The following PCDHGB1 variants were observed in gnomAD, a reference collection of about 807,000 sequenced individuals.
PCDHGB1 encodes the protein protocadherin gamma-B1.
PCDHGB1 carries 34 observed loss-of-function variants against 56.6 expected under a neutral mutation model. The ratio of observed to expected loss-of-function variants is 0.60; its 90% confidence interval spans 0.46 to 0.80. PCDHGB1 has a LOEUF of 0.80. Among genes scored for constraint, PCDHGB1 ranks in the 30% least tolerant of loss-of-function variants. PCDHGB1 has a pLI of 0.00. For missense variants in PCDHGB1, 1,278 were observed against 1,204.6 expected (o/e 1.06, Z -0.90); for synonymous variants, 561 against 505.9 (o/e 1.11, Z -1.46).
chr5:141,408,869 A>T, intron 1 of PCDHGB1: 1 of 1,613,690 alleles, frequency 6.2e-7, no homozygotes, highest in Non-Finnish European at 8.5e-7. Flanking sequence ...CCCACCAAGA[A>T]GTGCCACCGC....
intron 1 of PCDHGB1, among the ~76,000 whole-genome samples, chr5:141,488,713 C>A (rs1165389103): frequency 6.6e-6 from 1 of 152,184 alleles, no homozygotes; most frequent in Non-Finnish European, 1.5e-5. Context: ...CTGGTTCAAG[C>A]AAAGTGGTGG....
intron 1 of PCDHGB1, among the ~76,000 whole-genome samples, chr5:141,439,557 A>C (rs766239185): frequency 1.2e-4 from 19 of 152,178 alleles, no homozygotes; most frequent in Non-Finnish European, 2.2e-4. Context: ...TTCAGGCTGC[A>C]GTTCTAGAGT....
chr5:141,375,347 G>C, intron 1 of PCDHGB1: 2 of 1,613,852 alleles, frequency 1.2e-6, no homozygotes, highest in Non-Finnish European at 1.7e-6. Flanking sequence ...CAACATCACT[G>C]TGACAGCCAC....
At chr5:141,418,308 T>G in intron 1 of PCDHGB1, 6 of 1,613,946 alleles carry the variant, frequency 3.7e-6, no homozygotes, top group Non-Finnish European at 5.1e-6. Flanking sequence ...AGCCTGGGGA[T>G]GGGAACAATT....
chr5:141,390,665 TA>T, intron 1 of PCDHGB1: 1 of 192,900 alleles, frequency 5.2e-6, no homozygotes, highest in Non-Finnish European at 1.1e-5. Flanking sequence ...ACCATAAATA[TA>T]AAAATAATAA....
rs1431516547 is a variant in PCDHGB1, at chr5:141,361,467, C to G, written c.2409+8798C>G. The G allele has an allele frequency of 5.6e-6, 9 of 1,613,928 alleles. No individual in the cohort carries two copies. The highest frequency in any genetic ancestry group is 7.6e-6 in the Non-Finnish European group (9 of 1,179,906). ...TAATTGTCACCCTGCACATCTCCGA[C>G]GTCAACGATAATGCCCCAGTTTTCC... On this transcript the variant is annotated intron_variant, in intron 1 of 3. Transcript: ENST00000523390.
At chr5:141,386,548 G>T (rs1264128780) in intron 1 of PCDHGB1, among the ~76,000 whole-genome samples, 1 of 151,902 alleles carries the variant, frequency 6.6e-6, no homozygotes, top group Non-Finnish European at 1.5e-5. Context: ...GTTGTATTTG[G>T]TAGTATTTTG....
intron 1 of PCDHGB1, among the ~76,000 whole-genome samples, chr5:141,369,620 T>G (rs1766381490): frequency 6.6e-6 from 1 of 152,226 alleles, no homozygotes; most frequent in Non-Finnish European, 1.5e-5. Context: ...AATCATTTCC[T>G]CATTACCTTT....
chr5:141,446,528 G>A (rs2098505974), intron 1 of PCDHGB1, among the ~76,000 whole-genome samples: 1 of 151,952 alleles, frequency 6.6e-6, no homozygotes, highest in South Asian at 2.1e-4. Flanking sequence ...CCAGGCTGGA[G>A]TGCAGTGGCC....
chr5:141,415,419 C>A, intron 1 of PCDHGB1: 1 of 1,614,196 alleles, frequency 6.2e-7, no homozygotes, highest in East Asian at 2.2e-5. Context: ...TGGGCGTGGA[C>A]GGGGTTCGGG....
chr5:141,350,700 T>C lies in PCDHGB1; in HGVS notation c.440T>C (p.Val147Ala). The change falls in exon 1 of 4, where the codon GTA (valine) becomes GCA (alanine). Residue 147 changes from valine (V) to alanine (A), a missense_variant. Transcript: ENST00000523390. ...ATTTGTGAGTCAGCCTTACCCGGGG[T>C]AAAATTCTCTCTGGATTCTGCTCAA... ...LEICESALPG[V>A]KFSLDSAQDA... 6.2e-7 allele frequency: 1 copy of C among 1,613,850 alleles called. No individual in the cohort carries two copies. The highest frequency in any genetic ancestry group is 1.3e-5 in the African/African-American group (1 of 74,992).
chr5:141,354,771 A>G (rs771392037), intron 1 of PCDHGB1, among the ~76,000 whole-genome samples: 7 of 152,246 alleles, frequency 4.6e-5, no homozygotes, highest in Non-Finnish European at 8.8e-5. Flanking sequence ...TAGGAAAAAA[A>G]TCGTCATATT....
In PCDHGB1 at chr5:141,388,566, A is replaced by T. The variant is rs145399301; in HGVS notation, c.2409+35897A>T. ...TCCACCCCTAAGCAGCACTGCACAGATACACGTTCTAGTGACTGATGCCAA... is the reference window on the plus strand; with the variant it reads ...TCCACCCCTAAGCAGCACTGCACAGTTACACGTTCTAGTGACTGATGCCAA... On this transcript the variant is annotated intron_variant, in intron 1 of 3. Transcript: ENST00000523390. 134 of 1,613,852 alleles carry T rather than the reference A, an allele frequency of 8.3e-5. No homozygotes were observed. The East Asian group carries it at 2.4e-3, about 29-fold the overall frequency.
At chr5:141,445,768 T>A (rs2098476928) in intron 1 of PCDHGB1, among the ~76,000 whole-genome samples, 1 of 152,074 alleles carries the variant, frequency 6.6e-6, no homozygotes, top group Admixed American at 6.6e-5. Context: ...CTCAAGCAAT[T>A]TAAAAGGGCT....
chr5:141,415,350 G>C, intron 1 of PCDHGB1: 1 of 1,614,228 alleles, frequency 6.2e-7, no homozygotes, highest in Non-Finnish European at 8.5e-7. Context: ...GCTGGCACAA[G>C]TCACGCCTGC....
rs1259098111 is a variant in PCDHGB1 at position 141,489,418 on chromosome 5, T to C, written c.2410-5389T>C. On this transcript the variant is annotated intron_variant, in intron 1 of 3. Coordinates refer to ENST00000523390, the MANE Select transcript of PCDHGB1 (RefSeq NM_018922.3). This position sits in a 1 kb window ranked among gnomAD's most constrained non-coding sequence, Gnocchi z 4.5. ...TCTGGGCTTAAAGATGACAGATCTGTTGAGCCGGCGGCTGCAATTGGGCTC... is the reference window on the plus strand; with the variant it reads ...TCTGGGCTTAAAGATGACAGATCTGCTGAGCCGGCGGCTGCAATTGGGCTC... The C allele has an allele frequency of 1.2e-6, 2 of 1,614,174 alleles. No individual in the cohort carries two copies. The highest frequency in any genetic ancestry group is 8.5e-7 in the Non-Finnish European group (1 of 1,180,032).
chr5:141,367,112 C>G (rs1261391060), intron 1 of PCDHGB1: 1 of 221,008 alleles, frequency 4.5e-6, no homozygotes, highest in South Asian at 7.2e-5. Context: ...GCCTAGACAC[C>G]ATTAGTGAAT....
chr5:141,371,565 C>A (rs373548501), intron 1 of PCDHGB1: 57 of 1,613,742 alleles, frequency 3.5e-5, no homozygotes, highest in Non-Finnish European at 4.6e-5. Context: ...AGGAAACTTC[C>A]CCTTTAAAAT....
chr5:141,431,408 G>T lies in PCDHGB1; in HGVS notation c.2410-63399G>T, dbSNP rs1270461546. On this transcript the variant is annotated intron_variant, in intron 1 of 3. Coordinates refer to ENST00000523390, the MANE Select transcript of PCDHGB1 (RefSeq NM_018922.3). The surrounding 1 kb of genome is among the most constrained non-coding windows in gnomAD (Gnocchi z 4.8). ...CCACCTGGTCCTTACGGCCTCCGAC[G>T]GGGGCGACCCGGTGCGCACAGGCAC... 4 of 1,613,600 alleles carry T rather than the reference G, an allele frequency of 2.5e-6. No individual in the cohort carries two copies. Among genetic ancestry groups the T allele is most frequent in the Non-Finnish European group, 3.4e-6 (4 of 1,180,038 alleles).
Sources: gnomAD v4.1 joint callset for allele counts (sites outside exome capture counted in the v4.1 genomes callset) on GRCh38, gnomAD v4.1.1 for gene constraint, Gnocchi (gnomAD v3.1) non-coding constraint, MANE v1.5 for transcripts, NCBI Gene and HGNC (gene_info 2026-07-23, HGNC 2026-07-21) for gene names.